Variants in PHTF2 observed in about 807,000 individuals in gnomAD.
The protein encoded by PHTF2 is protein PHTF2.
In PHTF2, 60 loss-of-function variants were observed where a neutral mutation model predicts 101.2. The observed-to-expected ratio is 0.59, with a 90% CI of 0.48 to 0.73. The LOEUF is 0.73. Among genes scored for constraint, PHTF2 ranks in the 30% least tolerant of loss-of-function variants. The pLI, the probability that PHTF2 is intolerant of heterozygous loss-of-function variation, is 0.00. For missense variants in PHTF2, 747 were observed against 908.7 expected (o/e 0.82, Z 2.29); for synonymous variants, 311 against 307.3 (o/e 1.01, Z -0.13).
At chr7:77,863,883 C>T (rs1797848682) in intron 3 of PHTF2, among the ~76,000 whole-genome samples, 2 of 150,726 alleles carry the variant, frequency 1.3e-5, no homozygotes, top group African/African-American at 4.9e-5. Flanking sequence ...ACATCCTGGG[C>T]TCCTACCTCA....
intron 3 of PHTF2, among the ~76,000 whole-genome samples, chr7:77,893,363 TA>T (rs1268000510): frequency 6.6e-6 from 1 of 152,196 alleles, no homozygotes; most frequent in African/African-American, 2.4e-5. Flanking sequence ...TCTGATTCTG[TA>T]ACTCTGGAGT....
intron 2 of PHTF2, among the ~76,000 whole-genome samples, chr7:77,844,682 G>A (rs543996298): frequency 2.0e-5 from 3 of 152,062 alleles, no homozygotes; most frequent in South Asian, 2.1e-4. Context: ...GTGCTACTAC[G>A]GCCAGCTAAT....
chr7:77,947,056 G>T (rs1806108026), intron 16 of PHTF2, among the ~76,000 whole-genome samples: 1 of 151,898 alleles, frequency 6.6e-6, no homozygotes, highest in Admixed American at 6.6e-5. Flanking sequence ...GGGAGGTCAA[G>T]GCTGCAGTAA....
chr7:77,920,376 G>A lies in PHTF2; in HGVS notation c.874G>A (p.Gly292Arg). The change falls in exon 10 of 20, where the codon GGA becomes AGA. Residue 292 changes from glycine (G) to arginine (R), a missense_variant. This residue lies in a region of PHTF2 where 349 missense variants were observed against 369.7 expected (regional missense o/e 0.94). Transcript: ENST00000416283. ...GAAGACTGTTAAAAGCGGTGAAGAT[G>A]GAATACAAAACCATGAACCTCAGTG... The A allele has an allele frequency of 6.2e-7, 1 of 1,612,298 alleles. No individual in the cohort carries two copies.
chr7:77,940,742 C>A, intron 15 of PHTF2, 83 bp downstream of exon 14: 1 of 969,324 alleles, frequency 1.0e-6, no homozygotes, highest in Non-Finnish European at 1.5e-6. Context: ...ATATTTGTCT[C>A]TAGATGTATA....
In PHTF2 at chr7:77,807,740, A is replaced by G. The variant is rs951988530; in HGVS notation, c.-36+8769A>G. Among the ~76,000 whole-genome samples the G allele has an allele frequency of 2.6e-5, 4 of 152,132 alleles. No individual in the cohort carries two copies. In the East Asian group the frequency reaches 7.7e-4, roughly 29 times the overall value. On this transcript the variant is annotated intron_variant, in intron 1 of 19. Coordinates refer to ENST00000416283, the Ensembl canonical transcript of PHTF2. ...TTGTCTATGTTTGCTTTTGTTGCCT[A>G]TACTTTTGGTGTTACAGCCAAGAAA...
chr7:77,906,329 G>C (rs1801858823), intron 7 of PHTF2: 1 of 152,158 alleles, frequency 6.6e-6, no homozygotes, highest in Admixed American at 6.6e-5. Context: ...AAAACAAAAA[G>C]GGGAAGTGAT....
chr7:77,941,078 T>A (rs1332474298), intron 15 of PHTF2, among the ~76,000 whole-genome samples: 1 of 152,198 alleles, frequency 6.6e-6, no homozygotes, highest in Admixed American at 6.5e-5. Context: ...TTCTTGTTAT[T>A]GCATTAAGTA....
chr7:77,953,340 C>T (rs531262237), intron 18 of PHTF2, among the ~76,000 whole-genome samples: 1 of 152,144 alleles, frequency 6.6e-6, no homozygotes, highest in Non-Finnish European at 1.5e-5. Context: ...TTGAATTAAC[C>T]AATTAATTAA....
chr7:77,887,707 C>T (rs1271933329), intron 3 of PHTF2, among the ~76,000 whole-genome samples: 1 of 152,142 alleles, frequency 6.6e-6, no homozygotes, highest in Non-Finnish European at 1.5e-5. Context: ...ACCAAAGATA[C>T]AGGATGAGTT....
chr7:77,945,598 A>G (rs1805983438), intron 16 of PHTF2, among the ~76,000 whole-genome samples: 1 of 152,192 alleles, frequency 6.6e-6, no homozygotes. Context: ...ATTTAAAACC[A>G]TACAAATAAT....
chr7:77,810,554 T>C (rs1010582979), intron 1 of PHTF2, among the ~76,000 whole-genome samples: 5 of 152,232 alleles, frequency 3.3e-5, no homozygotes, highest in African/African-American at 1.2e-4. Context: ...TTTTCTTTTT[T>C]TGAGACGAAG....
intron 3 of PHTF2, among the ~76,000 whole-genome samples, chr7:77,863,915 T>G (rs1362397710): frequency 4.0e-5 from 6 of 151,842 alleles, no homozygotes; most frequent in Non-Finnish European, 2.9e-5. Flanking sequence ...AGCTGGGGAC[T>G]ACAGGAGTGA....
chr7:77,889,149 A>G (rs1365983921), intron 3 of PHTF2, among the ~76,000 whole-genome samples: 1 of 152,112 alleles, frequency 6.6e-6, no homozygotes, highest in African/African-American at 2.4e-5. Context: ...CCTAAGTGTC[A>G]CTTCTTTTCT....
At chr7:77,913,456 T>C (rs1181857029) in intron 9 of PHTF2, among the ~76,000 whole-genome samples, 2 of 152,106 alleles carry the variant, frequency 1.3e-5, no homozygotes, top group East Asian at 3.8e-4. Context: ...TTTCAATTAA[T>C]TTTTAATTAA....
intron 9 of PHTF2, among the ~76,000 whole-genome samples, chr7:77,915,979 C>CTGTGTG (rs34376513): frequency 0.057 from 8,465 of 147,862 alleles, 288 homozygotes; most frequent in Non-Finnish European, 0.082. Flanking sequence ...ATTTGTGTGT[C>CTGTGTG]TGTGTGTGTG....
At chr7:77,834,404 G>A (rs1327330723) in intron 1 of PHTF2, among the ~76,000 whole-genome samples, 2 of 151,638 alleles carry the variant, frequency 1.3e-5, no homozygotes, top group African/African-American at 2.4e-5. Context: ...AACATAAACT[G>A]TTGATTGGCT....
chr7:77,824,879 A>C (rs1794586787), intron 1 of PHTF2, among the ~76,000 whole-genome samples: 1 of 152,022 alleles, frequency 6.6e-6, no homozygotes, highest in Admixed American at 6.6e-5. Context: ...CCAAAAAAAA[A>C]AAAACGTTAG....
chr7:77,845,540 A>AGTAACATGAACTTGACTG (rs1796210229), intron 2 of PHTF2, among the ~76,000 whole-genome samples: 1 of 152,222 alleles, frequency 6.6e-6, no homozygotes, highest in African/African-American at 2.4e-5. Context: ...AACTAGCCTG[A>AGTAACATGAACTTGACTG]GTAACATGAA....
Sources: gnomAD v4.1 joint callset for allele counts (sites outside exome capture counted in the v4.1 genomes callset) on GRCh38, gnomAD v4.1.1 for gene constraint, gnomAD v4.1.1 regional missense constraint, MANE v1.5 for transcripts, NCBI Gene and HGNC (gene_info 2026-07-23, HGNC 2026-07-21) for gene names.